Variants in ARPC5L observed in about 807,000 individuals in gnomAD.
ARPC5L encodes actin-related protein 2/3 complex subunit 5-like protein.
Under a neutral mutation model 16.9 loss-of-function variants are expected in ARPC5L, and 4 were observed. That is an observed-to-expected ratio of 0.24 (90% CI 0.12 to 0.54). ARPC5L has a LOEUF of 0.54. ARPC5L is among the 20% of genes least tolerant of loss of function. The pLI is 0.95. For synonymous variants in ARPC5L, 78 were observed against 82.6 expected, an observed-to-expected ratio of 0.94 and a Z score of 0.30; for missense variants, 151 against 201.9, an observed-to-expected ratio of 0.75 and a Z score of 1.53.
rs2131333447 is a variant in ARPC5L, at chr9:124,869,415, G to A, written c.125G>A (p.Ser42Asn). 2.0e-6 allele frequency: 3 copies of A among 1,498,246 alleles called. No individual in the cohort carries two copies. The East Asian group carries it at 8.7e-5, about 44-fold the overall frequency. 92.8% of individuals were successfully genotyped at this position (1,498,246 alleles called of 1,614,324 possible). A position where few individuals can be genotyped will look rare whatever the true frequency, so the allele number is the denominator to read the frequency against. ...AAAAEPGPDP[S>N]EVDGLLRQGD... ...GCGGCGGAGCCAGGCCCGGACCCGA[G>A]CGAGGTGGACGGGCTCCTGCGGCAA... Residue 42 changes from serine to asparagine, a missense_variant, in exon 3 of 6, where the codon AGC becomes AAC. Physicochemically the swap from Ser to Asn is conservative, Grantham distance 46 (BLOSUM62 1). Coordinates refer to ENST00000353214, the MANE Select transcript of ARPC5L (RefSeq NM_030978.3).
intron 5 of ARPC5L, among the ~76,000 whole-genome samples, chr9:124,875,907 G>A (rs931586946): frequency 2.6e-5 from 4 of 152,194 alleles, no homozygotes; most frequent in Admixed American, 1.3e-4. Context: ...TGTGGGTGCT[G>A]GGCTGTGGTT....
Position 124,873,677 on chromosome 9 carries a change from C to T in ARPC5L, c.150-15C>T, listed in dbSNP as rs772082896. On this transcript the variant is annotated splice_polypyrimidine_tract_variant and intron_variant, in intron 3 of 5. Coordinates refer to ENST00000353214, the MANE Select transcript of ARPC5L (RefSeq NM_030978.3). ...TGTGCTTGAGCCTAGCTATCCTTAA[C>T]TGGTGGTGATGCACAGGGGACATGC... The T allele has an allele frequency of 6.2e-7, 1 of 1,614,122 alleles. No homozygotes were observed. The highest frequency in any genetic ancestry group is 8.5e-7 in the Non-Finnish European group (1 of 1,179,978).
chr9:124,864,901 G>A (rs1251118761), intron 2 of ARPC5L, among the ~76,000 whole-genome samples: 3 of 151,804 alleles, frequency 2.0e-5, no homozygotes, highest in Non-Finnish European at 1.5e-5. Context: ...TCTGCCTTCT[G>A]GGTCCAAAGG....
In ARPC5L at chr9:124,869,206, C is replaced by G. The variant is rs568731050; in HGVS notation, c.-85C>G. On this transcript the variant is annotated 5_prime_UTR_variant, in exon 3 of 6. Transcript: ENST00000353214. Reference sequence around the variant, plus strand: ...GGAGCAGCCGGGCAGCCGCTTCCCGCCCCCGAGCAGGAGCCGGTGCGAGCG... The same window carrying G: ...GGAGCAGCCGGGCAGCCGCTTCCCGGCCCCGAGCAGGAGCCGGTGCGAGCG... 7.5e-7 allele frequency: 1 copy of G among 1,338,078 alleles called. No individual in the cohort carries two copies. The highest frequency in any genetic ancestry group is 1.6e-5 in the African/African-American group (1 of 64,504). The allele number at this position is 1,338,078 out of a possible 1,614,324, so 82.9% of individuals were successfully genotyped here. A position where few individuals can be genotyped will look rare whatever the true frequency, so the allele number is the denominator to read the frequency against.
At chr9:124,864,515 C>T (rs1365564995) in intron 2 of ARPC5L, among the ~76,000 whole-genome samples, 1 of 152,142 alleles carries the variant, frequency 6.6e-6, no homozygotes, top group Non-Finnish European at 1.5e-5. Flanking sequence ...GCATGCACCA[C>T]CAAGCCAAGC....
At chr9:124,871,621 C>T (rs944532873) in intron 3 of ARPC5L, among the ~76,000 whole-genome samples, 2 of 152,130 alleles carry the variant, frequency 1.3e-5, no homozygotes, top group African/African-American at 4.8e-5. Context: ...AATGAGATGG[C>T]GTGTGAAAGC....
At chr9:124,870,523 G>A (rs1269898172) in intron 3 of ARPC5L, among the ~76,000 whole-genome samples, 4 of 152,184 alleles carry the variant, frequency 2.6e-5, no homozygotes, top group Admixed American at 2.6e-4. Context: ...GGGGAGCCCG[G>A]CAGTGCTCCT....
intron 2 of ARPC5L, among the ~76,000 whole-genome samples, chr9:124,866,675 C>T (rs760622977): frequency 2.0e-5 from 3 of 151,770 alleles, no homozygotes; most frequent in Non-Finnish European, 2.9e-5. Context: ...CTGAGATAGC[C>T]CCATTGCAGT....
At chr9:124,873,529 T>C in intron 3 of ARPC5L, 163 bp from the exon 4 acceptor site, 1 of 720,468 alleles carries the variant, frequency 1.4e-6, no homozygotes, top group Non-Finnish European at 2.4e-6. Context: ...GCAGCCTCCC[T>C]GTGCAGGCTG....
intron 3 of ARPC5L, chr9:124,873,058 G>C (rs2131337403): frequency 6.6e-6 from 1 of 152,228 alleles, no homozygotes; most frequent in East Asian, 1.9e-4. Context: ...TTGCATGCTG[G>C]GTATTCAGAA....
chr9:124,867,333 T>A (rs1252610425), intron 2 of ARPC5L, among the ~76,000 whole-genome samples: 1 of 151,658 alleles, frequency 6.6e-6, no homozygotes, highest in Non-Finnish European at 1.5e-5. Context: ...TAGAGATGGG[T>A]TTTCACCATG....
In ARPC5L at chr9:124,876,983, T is replaced by C; in HGVS notation, c.*43T>C. On this transcript the variant is annotated 3_prime_UTR_variant, in exon 6 of 6. Transcript: ENST00000353214. ...ATGTTACCTTGAGAAGAATTCTGGA[T>C]GCCCAGGCTGGTGAAGAAGGGATTG... The C allele has an allele frequency of 6.5e-7, 1 of 1,533,914 alleles. No individual in the cohort carries two copies. The highest frequency in any genetic ancestry group is 8.9e-7 in the Non-Finnish European group (1 of 1,121,782).
chr9:124,871,961 C>G (rs1482195694), intron 3 of ARPC5L, among the ~76,000 whole-genome samples: 1 of 152,104 alleles, frequency 6.6e-6, no homozygotes, highest in Non-Finnish European at 1.5e-5. Context: ...AGCACCACAG[C>G]CTGTTCTCTG....
intron 5 of ARPC5L, among the ~76,000 whole-genome samples, chr9:124,875,780 C>T (rs1015021477): frequency 2.0e-5 from 3 of 152,188 alleles, no homozygotes; most frequent in Admixed American, 6.5e-5. Flanking sequence ...CCTAGTGCCG[C>T]AGTAAGCACG....
rs1399251151 is a variant in ARPC5L at position 124,869,161 on chromosome 9, A to G, written c.-130A>G. 5 of 1,019,590 alleles carry G rather than the reference A, an allele frequency of 4.9e-6. No homozygotes were observed. The highest frequency in any genetic ancestry group is 6.4e-6 in the Non-Finnish European group (5 of 785,942). 63.2% of individuals were successfully genotyped at this position (1,019,590 alleles called of 1,614,324 possible). On this transcript the variant is annotated 5_prime_UTR_variant, in exon 3 of 6. Transcript: ENST00000353214. ...GGCGGGCGGCGGCGGCTGCGCGCGG[A>G]GGCGGTGGAGGAGGTGCTGGGAGCA...
intron 4 of ARPC5L, 97 bp downstream of exon 4, chr9:124,873,861 G>A: frequency 2.0e-6 from 3 of 1,472,682 alleles, no homozygotes; most frequent in African/African-American, 2.8e-5. Flanking sequence ...ACATCAGAGG[G>A]AGTGAGTTGG....
At chr9:124,870,266 A>C (rs1230216856) in intron 3 of ARPC5L, among the ~76,000 whole-genome samples, 1 of 152,244 alleles carries the variant, frequency 6.6e-6, no homozygotes, top group Non-Finnish European at 1.5e-5. Flanking sequence ...CACAGAAAAC[A>C]GCATTTAGAA....
chr9:124,862,715 G>A (rs1281146651), intron 1 of ARPC5L, among the ~76,000 whole-genome samples: 1 of 151,440 alleles, frequency 6.6e-6, no homozygotes, highest in African/African-American at 2.4e-5. Context: ...TAGTAGAGAC[G>A]GGGTTTCGCC....
intron 5 of ARPC5L, among the ~76,000 whole-genome samples, chr9:124,876,453 T>C (rs1233944655): frequency 6.6e-6 from 1 of 152,128 alleles, no homozygotes; most frequent in African/African-American, 2.4e-5. Flanking sequence ...GCCATTGCAC[T>C]CCAGCCTGGG....
Sources: gnomAD v4.1 joint callset for allele counts (sites outside exome capture counted in the v4.1 genomes callset) on GRCh38, gnomAD v4.1.1 for gene constraint, MANE v1.5 for transcripts, NCBI Gene and HGNC (gene_info 2026-07-23, HGNC 2026-07-21) for gene names.